Variants in NKAIN2 observed in about 807,000 individuals in gnomAD.
NKAIN2 encodes the protein sodium/potassium-transporting ATPase subunit beta-1-interacting protein 2.
A neutral mutation model predicts 32.6 loss-of-function variants in NKAIN2; 14 were observed. The ratio of observed to expected loss-of-function variants is 0.43; its 90% CI spans 0.28 to 0.67. NKAIN2 has a LOEUF of 0.67. NKAIN2 is among the 30% of genes least tolerant of loss of function. The probability of loss-of-function intolerance (pLI) is 0.17; values close to 1 mark genes in which losing one functional copy is unlikely to be tolerated. For synonymous variants in NKAIN2, 80 were observed against 87.2 expected (o/e 0.92, Z 0.46); for missense variants, 198 against 258.3 (o/e 0.77, Z 1.60).
At chr6:124,216,655 C>T (rs562317070) in intron 1 of NKAIN2, among the ~76,000 whole-genome samples, 7 of 152,258 alleles carry the variant, frequency 4.6e-5, no homozygotes, top group Non-Finnish European at 1.0e-4. Context: ...TATGATGAGC[C>T]TCATGGAGAA....
chr6:123,863,713 A>G (rs1444004921), intron 1 of NKAIN2, among the ~76,000 whole-genome samples: 1 of 152,168 alleles, frequency 6.6e-6, no homozygotes, highest in African/African-American at 2.4e-5. Flanking sequence ...ACCAGCACCT[A>G]GGCCCATATG....
intron 4 of NKAIN2, among the ~76,000 whole-genome samples, chr6:124,787,841 C>A (rs911204464): frequency 3.9e-5 from 6 of 152,132 alleles, no homozygotes; most frequent in African/African-American, 1.4e-4. Context: ...AGTATGAAGT[C>A]CCCAAACTCT....
intron 3 of NKAIN2, among the ~76,000 whole-genome samples, chr6:124,581,488 C>G (rs1186128646): frequency 1.4e-5 from 2 of 146,800 alleles, no homozygotes; most frequent in Non-Finnish European, 3.0e-5. Flanking sequence ...TGGACTTAAT[C>G]TGAATTATAG....
intron 3 of NKAIN2, among the ~76,000 whole-genome samples, chr6:124,370,470 G>A (rs1208978678): frequency 1.3e-5 from 2 of 151,912 alleles, no homozygotes; most frequent in Non-Finnish European, 2.9e-5. Context: ...TTCTTCATTA[G>A]CACATGCAAC....
intron 3 of NKAIN2, among the ~76,000 whole-genome samples, chr6:124,653,460 A>T (rs1784436416): frequency 6.6e-6 from 1 of 151,020 alleles, no homozygotes; most frequent in Non-Finnish European, 1.5e-5. Context: ...AAAAAAAAAA[A>T]AAAAAAAATC....
At chr6:124,673,857 T>G (rs906033048) in intron 4 of NKAIN2, among the ~76,000 whole-genome samples, 3 of 152,018 alleles carry the variant, frequency 2.0e-5, no homozygotes, top group African/African-American at 7.2e-5. Flanking sequence ...GTTTATTATT[T>G]CCTTTGCTGT....
chr6:124,189,187 T>C (rs1789893830), intron 1 of NKAIN2, among the ~76,000 whole-genome samples: 1 of 152,104 alleles, frequency 6.6e-6, no homozygotes, highest in African/African-American at 2.4e-5. Flanking sequence ...AACCATGAGA[T>C]TATTCAGATA....
intron 1 of NKAIN2, among the ~76,000 whole-genome samples, chr6:123,830,766 AT>A (rs1774345974): frequency 6.6e-6 from 1 of 152,138 alleles, no homozygotes; most frequent in Admixed American, 6.6e-5. Context: ...GTAAGCAGGG[AT>A]TGTGTTTTGC....
At chr6:124,471,450 C>A (rs1448762828) in intron 3 of NKAIN2, among the ~76,000 whole-genome samples, 3 of 152,070 alleles carry the variant, frequency 2.0e-5, no homozygotes, top group African/African-American at 7.2e-5. Context: ...TGATACATAT[C>A]TCATTAGTAA....
intron 3 of NKAIN2, among the ~76,000 whole-genome samples, chr6:124,358,689 T>C (rs1482122824): frequency 1.3e-5 from 2 of 152,110 alleles, no homozygotes; most frequent in Admixed American, 1.3e-4. Context: ...GTCAGATGAG[T>C]AGATTGCACA....
At chr6:124,298,308 CTTCT>C (rs1047678649) in intron 2 of NKAIN2, among the ~76,000 whole-genome samples, 1 of 151,946 alleles carries the variant, frequency 6.6e-6, no homozygotes, top group African/African-American at 2.4e-5. Flanking sequence ...TACCTGTTTT[CTTCT>C]TTATCTCTTT....
chr6:124,683,122 C>T (rs949159833), intron 4 of NKAIN2, among the ~76,000 whole-genome samples: 3 of 152,296 alleles, frequency 2.0e-5, no homozygotes, highest in Admixed American at 1.3e-4. Context: ...TAAGTAAATA[C>T]TTGACAGGTG....
At chr6:124,746,699 T>C (rs1777468375) in intron 4 of NKAIN2, among the ~76,000 whole-genome samples, 1 of 151,874 alleles carries the variant, frequency 6.6e-6, no homozygotes, top group South Asian at 2.1e-4. Context: ...TGTCCCAAGT[T>C]TTCTACAATG....
At chr6:124,259,852 C>T (rs1254552462) in intron 1 of NKAIN2, among the ~76,000 whole-genome samples, 2 of 152,076 alleles carry the variant, frequency 1.3e-5, no homozygotes, top group Admixed American at 1.3e-4. Context: ...ATTCTTCAAG[C>T]TTATATACAA....
At chr6:124,758,477 G>A (rs531970579) in intron 4 of NKAIN2, among the ~76,000 whole-genome samples, 1 of 152,134 alleles carries the variant, frequency 6.6e-6, no homozygotes, top group Non-Finnish European at 1.5e-5. Flanking sequence ...TTCCCAGCCT[G>A]CGTAACTGTG....
intron 3 of NKAIN2, among the ~76,000 whole-genome samples, chr6:124,483,692 A>G (rs1489419265): frequency 6.6e-6 from 1 of 152,108 alleles, no homozygotes; most frequent in Admixed American, 6.5e-5. Flanking sequence ...TCATCTTTTA[A>G]ATCTATGCAA....
intron 3 of NKAIN2, among the ~76,000 whole-genome samples, chr6:124,501,244 A>G (rs1320748091): frequency 6.6e-6 from 1 of 152,098 alleles, no homozygotes; most frequent in Non-Finnish European, 1.5e-5. Flanking sequence ...TCCATGACTT[A>G]CTGTGGGAAC....
intron 1 of NKAIN2, among the ~76,000 whole-genome samples, chr6:123,949,772 A>G (rs1006836956): frequency 1.3e-5 from 2 of 151,936 alleles, no homozygotes; most frequent in African/African-American, 4.8e-5. Flanking sequence ...ATTCTTCTTC[A>G]ATTTTGATGC....
In NKAIN2 at chr6:124,629,978, C is replaced by T. The variant is rs191430344; in HGVS notation, c.274-28208C>T. Among the ~76,000 whole-genome samples the T allele has an allele frequency of 1.1e-4, 16 of 152,158 alleles. No individual in the cohort carries two copies. In the East Asian group the frequency reaches 2.9e-3, roughly 28 times the overall value. ...GGTTGGGTAGCGAAGGACTACAAGGCCCAGGATCTGAAGCCAAATCACAAT... is the reference window on the plus strand; with the variant it reads ...GGTTGGGTAGCGAAGGACTACAAGGTCCAGGATCTGAAGCCAAATCACAAT... On this transcript the variant is annotated intron_variant, in intron 3 of 6. Coordinates refer to ENST00000368417, the MANE Select transcript of NKAIN2 (RefSeq NM_001040214.3).
Sources: gnomAD v4.1 joint callset for allele counts (sites outside exome capture counted in the v4.1 genomes callset) on GRCh38, gnomAD v4.1.1 for gene constraint, MANE v1.5 for transcripts, NCBI Gene and HGNC (gene_info 2026-07-23, HGNC 2026-07-21) for gene names.